The following KCNIP4 variants were observed in gnomAD, a reference collection of about 807,000 sequenced individuals.
KCNIP4 encodes the protein potassium voltage-gated channel interacting protein 4.
A neutral mutation model predicts 34.0 loss-of-function variants in KCNIP4; 12 were observed. The ratio of observed to expected loss-of-function variants is 0.35; its 90% CI spans 0.23 to 0.57. KCNIP4 has a LOEUF of 0.57. Ranked by LOEUF, KCNIP4 falls within the 20% of genes least tolerant of loss-of-function variation. The probability of loss-of-function intolerance (pLI) is 0.83; values close to 1 mark genes in which losing one functional copy is unlikely to be tolerated. For missense variants in KCNIP4, 238 were observed against 311.7 expected, an observed-to-expected ratio of 0.76 and a Z score of 1.78; for synonymous variants, 124 against 102.2, an observed-to-expected ratio of 1.21 and a Z score of -1.29.
intron 1 of KCNIP4, among the ~76,000 whole-genome samples, chr4:21,000,523 A>G (rs190659627): frequency 2.0e-3 from 307 of 152,128 alleles, no homozygotes; most frequent in African/African-American, 6.9e-3. Context: ...TGTCTCTACT[A>G]AAAATACAAA....
intron 3 of KCNIP4, among the ~76,000 whole-genome samples, chr4:20,829,189 C>A (rs999310669): frequency 2.7e-5 from 4 of 146,088 alleles, no homozygotes; most frequent in Non-Finnish European, 4.5e-5. Flanking sequence ...GGGCCAGAAG[C>A]ACAAGTCCTT....
chr4:21,221,324 A>G (rs1006653656), intron 1 of KCNIP4, among the ~76,000 whole-genome samples: 11 of 152,192 alleles, frequency 7.2e-5, no homozygotes, highest in African/African-American at 2.7e-4. Flanking sequence ...ATCCGTTTTC[A>G]TACTGCTATA....
chr4:21,680,887 G>A (rs1482570092), intron 1 of KCNIP4, among the ~76,000 whole-genome samples: 1 of 152,122 alleles, frequency 6.6e-6, no homozygotes, highest in East Asian at 1.9e-4. Flanking sequence ...AGTAGATTTA[G>A]CATAATTATT....
At chr4:21,833,075 G>T (rs1397807306) in intron 1 of KCNIP4, among the ~76,000 whole-genome samples, 3 of 150,296 alleles carry the variant, frequency 2.0e-5, no homozygotes, top group Non-Finnish European at 4.4e-5. Context: ...CTTTATAGCA[G>T]CATGATTTAT....
chr4:21,355,691 C>T (rs530568746), intron 1 of KCNIP4, among the ~76,000 whole-genome samples: 1 of 152,066 alleles, frequency 6.6e-6, no homozygotes. Flanking sequence ...AGTCTAGGAC[C>T]AGATGGATTC....
At chr4:21,530,291 T>A (rs1314054898) in intron 1 of KCNIP4, among the ~76,000 whole-genome samples, 3 of 152,130 alleles carry the variant, frequency 2.0e-5, no homozygotes, top group Non-Finnish European at 4.4e-5. Flanking sequence ...CAGCTCTAGC[T>A]ACAGTCTTGA....
chr4:20,732,600 T>C (rs777796305), intron 7 of KCNIP4, 81 bp downstream of exon 7: 63 of 854,872 alleles, frequency 7.4e-5, no homozygotes, highest in Non-Finnish European at 1.2e-4. Flanking sequence ...TTGCTCTCTT[T>C]TGAATCATCG....
intron 2 of KCNIP4, among the ~76,000 whole-genome samples, chr4:20,860,886 GA>G (rs901203367): frequency 2.4e-4 from 37 of 152,262 alleles, no homozygotes; most frequent in African/African-American, 7.7e-4. Context: ...TCAGGACAAA[GA>G]AAAAGCTGCC....
chr4:20,966,395 C>T lies in KCNIP4; in HGVS notation c.62-83686G>A, dbSNP rs529298383. ...GGGAAAGTACTTGATTCTAAATGTA[C>T]TATCCTGATCTTACTAATCCAGGTA... On this transcript the variant is annotated intron_variant, in intron 1 of 8. Transcript: ENST00000382152. 2.0e-5 allele frequency among the ~76,000 whole-genome samples: 3 copies of T among 152,258 alleles called. No individual in the cohort carries two copies. In the East Asian group the frequency reaches 5.8e-4, roughly 29 times the overall value.
chr4:21,209,137 AAC>A (rs1757053889), intron 1 of KCNIP4, among the ~76,000 whole-genome samples: 2 of 152,200 alleles, frequency 1.3e-5, no homozygotes, highest in African/African-American at 2.4e-5. Context: ...TTTTTTAACT[AAC>A]ACATAATAAT....
At chr4:21,896,270 C>A (rs778522118) in intron 1 of KCNIP4, among the ~76,000 whole-genome samples, 3 of 152,074 alleles carry the variant, frequency 2.0e-5, no homozygotes, top group Non-Finnish European at 4.4e-5. Flanking sequence ...AGACATTGAA[C>A]CCTATTAATA....
intron 1 of KCNIP4, among the ~76,000 whole-genome samples, chr4:20,986,304 T>C (rs144715306): frequency 6.8e-4 from 104 of 152,328 alleles, no homozygotes; most frequent in African/African-American, 2.4e-3. Context: ...TTGAATAACA[T>C]ATTTATAAGA....
intron 1 of KCNIP4, among the ~76,000 whole-genome samples, chr4:21,604,162 T>C (rs906232470): frequency 2.6e-5 from 4 of 152,172 alleles, no homozygotes; most frequent in African/African-American, 9.7e-5. Flanking sequence ...ATACCTTCTA[T>C]TACTACATAT....
chr4:20,994,779 T>C (rs1446492772), intron 1 of KCNIP4, among the ~76,000 whole-genome samples: 1 of 152,162 alleles, frequency 6.6e-6, no homozygotes, highest in Non-Finnish European at 1.5e-5. Flanking sequence ...TTAGGATGGA[T>C]AAAACCAAAA....
At chr4:21,057,840 T>C (rs769797384) in intron 1 of KCNIP4, among the ~76,000 whole-genome samples, 1 of 152,202 alleles carries the variant, frequency 6.6e-6, no homozygotes, top group African/African-American at 2.4e-5. Flanking sequence ...TATGAAGACA[T>C]TGAAAACTGA....
At chr4:21,252,129 GTTT>G (rs61183224) in intron 1 of KCNIP4, among the ~76,000 whole-genome samples, 3 of 112,888 alleles carry the variant, frequency 2.7e-5, no homozygotes, top group Admixed American at 8.5e-5. Flanking sequence ...ATGAGGTTTT[GTTT>G]TTTTTTTTTT....
intron 3 of KCNIP4, among the ~76,000 whole-genome samples, chr4:20,775,510 G>C (rs548373597): frequency 6.8e-6 from 1 of 147,398 alleles, no homozygotes; most frequent in South Asian, 2.2e-4. Context: ...AGGCCATCCT[G>C]GGCAATATAG....
chr4:21,189,829 C>T (rs2109344210), intron 1 of KCNIP4, among the ~76,000 whole-genome samples: 1 of 152,290 alleles, frequency 6.6e-6, no homozygotes, highest in East Asian at 1.9e-4. Flanking sequence ...AGGGATTTCA[C>T]TTTCCCCTTT....
chr4:21,650,059 G>T (rs6840545), intron 1 of KCNIP4, among the ~76,000 whole-genome samples: 63,231 of 151,984 alleles, frequency 0.42, 13,618 homozygotes, highest in Non-Finnish European at 0.46. Flanking sequence ...AACTCAATCT[G>T]CATATGTTAA....
Sources: allele counts gnomAD v4.1 joint callset (sites outside exome capture counted in the v4.1 genomes callset), GRCh38; gene constraint gnomAD v4.1.1; transcripts MANE v1.5; gene names NCBI Gene and HGNC (gene_info 2026-07-23, HGNC 2026-07-21).